The following USH2A variants were observed in gnomAD, a reference collection of about 807,000 sequenced individuals.
The protein encoded by USH2A is usherin.
In USH2A, 443 loss-of-function variants were observed where a neutral mutation model predicts 538.9. The observed-to-expected ratio is 0.82, with a 90% CI of 0.76 to 0.89. The LOEUF is 0.89. Among genes scored for constraint, USH2A ranks in the 40% least tolerant of loss-of-function variants. USH2A has a pLI of 0.00. For synonymous variants in USH2A, 2,413 were observed against 2,273.5 expected (o/e 1.06, Z -1.75); for missense variants, 6,633 against 6,324.8 (o/e 1.05, Z -1.65).
chr1:216,253,955 A>G (rs2102556106), intron 11 of USH2A, among the ~76,000 whole-genome samples: 1 of 152,260 alleles, frequency 6.6e-6, no homozygotes, highest in Admixed American at 6.5e-5. Context: ...GCTATAAAGC[A>G]TATTCACTTT....
chr1:216,090,262 A>G (rs1223818764), intron 22 of USH2A, among the ~76,000 whole-genome samples: 1 of 151,994 alleles, frequency 6.6e-6, no homozygotes, highest in South Asian at 2.1e-4. Context: ...ATGTATATTG[A>G]AAAACATACA....
intron 61 of USH2A, among the ~76,000 whole-genome samples, chr1:215,698,033 T>C (rs1392438591): frequency 2.0e-5 from 3 of 152,178 alleles, no homozygotes; most frequent in Non-Finnish European, 1.5e-5. Context: ...TGTGCCCATA[T>C]GTTCTCATTG....
chr1:215,892,612 C>G (rs1665237217), intron 40 of USH2A, among the ~76,000 whole-genome samples: 1 of 152,030 alleles, frequency 6.6e-6, no homozygotes, highest in African/African-American at 2.4e-5. Context: ...GAATTTTTGA[C>G]AGCTCATAAT....
In USH2A at chr1:215,780,030, A is replaced by G. The variant is rs1393397033; in HGVS notation, c.10752T>C (p.Ala3584=). The part of the protein sequence containing the change: ...GCATSSKVVA[A]TTQGVPESIL... ...TGCTCTCCGGAACTCCTTGGGTAGT[A>G]GCTGCAACTACCTGAAGACGTAGGA... is the stretch of plus-strand genomic sequence containing the variant. Residue 3584 remains alanine, a synonymous_variant, in exon 55 of 72, where the codon GCT becomes GCC. Transcript: ENST00000307340. 3.7e-6 allele frequency: 6 copies of G among 1,614,006 alleles called. No individual in the cohort carries two copies. In the African/African-American group the frequency reaches 6.7e-5, roughly 18 times the overall value.
chr1:216,049,432 A>G (rs779924177), intron 30 of USH2A, among the ~76,000 whole-genome samples: 1 of 152,186 alleles, frequency 6.6e-6, no homozygotes, highest in Non-Finnish European at 1.5e-5. Flanking sequence ...GAGACTCCTT[A>G]TTTAGTTAAT....
intron 9 of USH2A, among the ~76,000 whole-genome samples, chr1:216,305,746 C>A (rs1324311658): frequency 6.6e-6 from 1 of 152,072 alleles, no homozygotes; most frequent in African/African-American, 2.4e-5. Context: ...CGGAAAAAGA[C>A]TGTATTTTTC....
intron 58 of USH2A, among the ~76,000 whole-genome samples, chr1:215,745,485 A>G (rs1660445965): frequency 6.6e-6 from 1 of 152,216 alleles, no homozygotes; most frequent in East Asian, 1.9e-4. Flanking sequence ...TAATACTACT[A>G]GAATGTCAAC....
chr1:216,102,141 G>T (rs1216277597), intron 21 of USH2A, among the ~76,000 whole-genome samples: 23 of 151,284 alleles, frequency 1.5e-4, no homozygotes, highest in Admixed American at 1.5e-3. Flanking sequence ...AGTGAAAGCA[G>T]ATATTTGCAA....
intron 69 of USH2A, among the ~76,000 whole-genome samples, chr1:215,637,942 T>C (rs1355193920): frequency 6.6e-6 from 1 of 152,208 alleles, no homozygotes; most frequent in Non-Finnish European, 1.5e-5. Context: ...TTCTCTAATT[T>C]GCTTTTATAA....
chr1:216,242,328 C>A (rs1175776775), intron 13 of USH2A, among the ~76,000 whole-genome samples: 1 of 151,064 alleles, frequency 6.6e-6, no homozygotes, highest in Non-Finnish European at 1.5e-5. Context: ...AGCCCTCTAG[C>A]CTGGGCGACA....
At chr1:215,654,166 T>C (rs1657167646) in intron 64 of USH2A, among the ~76,000 whole-genome samples, 1 of 152,166 alleles carries the variant, frequency 6.6e-6, no homozygotes, top group South Asian at 2.1e-4. Flanking sequence ...AGACTGAACA[T>C]ATATATATTT....
chr1:216,003,002 C>A (rs1571879981), intron 32 of USH2A, among the ~76,000 whole-genome samples: 1 of 152,192 alleles, frequency 6.6e-6, no homozygotes, highest in South Asian at 2.1e-4. Context: ...CTAAACCCAC[C>A]CAGAATATCC....
At position 216,044,310 on chromosome 1, in the gene USH2A, T is replaced by G. The variant is rs117370485; in HGVS notation, c.6325+2121A>C. 1.2e-4 allele frequency among the ~76,000 whole-genome samples: 19 copies of G among 152,262 alleles called. No homozygotes were observed. The East Asian group carries it at 2.7e-3, about 22-fold the overall frequency. On this transcript the variant is annotated intron_variant, in intron 32 of 71. Transcript: ENST00000307340. ...TTATGATATCCCATTACATGCAATG[T>G]TACCTCTTGGTCACAGAAGTGCTTT...
intron 29 of USH2A, among the ~76,000 whole-genome samples, chr1:216,070,583 AAAG>A (rs1218405018): frequency 6.6e-6 from 1 of 152,154 alleles, no homozygotes; most frequent in African/African-American, 2.4e-5. Context: ...CATCACTCAT[AAAG>A]AAGGAGGTGG....
chr1:215,854,855 A>T (rs1664117302), intron 44 of USH2A, among the ~76,000 whole-genome samples: 1 of 152,218 alleles, frequency 6.6e-6, no homozygotes, highest in South Asian at 2.1e-4. Context: ...CTCGACAAAG[A>T]AAAGGGCAGA....
At chr1:216,117,110 C>T (rs2033026618) in intron 21 of USH2A, among the ~76,000 whole-genome samples, 1 of 152,120 alleles carries the variant, frequency 6.6e-6, no homozygotes. Flanking sequence ...TAGAATGACA[C>T]TTTGTCTTTG....
chr1:215,675,759 A>G, intron 62 of USH2A, 143 bp from the exon 63 acceptor site: 1 of 1,489,032 alleles, frequency 6.7e-7, no homozygotes, highest in Non-Finnish European at 9.1e-7. Context: ...TTAATTGGGG[A>G]TATGTGATTT....
At chr1:215,915,024 T>C (rs921247669) in intron 38 of USH2A, among the ~76,000 whole-genome samples, 1 of 152,138 alleles carries the variant, frequency 6.6e-6, no homozygotes, top group Non-Finnish European at 1.5e-5. Flanking sequence ...TGGGCAGTTA[T>C]TGTACACCAG....
In USH2A at chr1:215,900,220, G is replaced by T. The variant is rs768233894; in HGVS notation, c.7452-3C>A. 6.2e-7 allele frequency: 1 copy of T among 1,613,172 alleles called. No individual in the cohort carries two copies. Among genetic ancestry groups the T allele is most frequent in the African/African-American group, 1.3e-5 (1 of 74,980 alleles). Reference sequence around the variant, plus strand: ...ATGCAGAAGGATTGGAAAATAACCTGTATGGGAAATAAATGTCAATTAGGA... The same window carrying T: ...ATGCAGAAGGATTGGAAAATAACCTTTATGGGAAATAAATGTCAATTAGGA... On this transcript the variant is annotated splice_polypyrimidine_tract_variant and splice_region_variant and intron_variant, in intron 39 of 71. Coordinates refer to ENST00000307340, the MANE Select transcript of USH2A (RefSeq NM_206933.4).
Sources: allele counts gnomAD v4.1 joint callset (sites outside exome capture counted in the v4.1 genomes callset), GRCh38; gene constraint gnomAD v4.1.1; transcripts MANE v1.5; gene names NCBI Gene and HGNC (gene_info 2026-07-23, HGNC 2026-07-21).